ERI3: variants seen among roughly 807,000 people sequenced by gnomAD.
The protein encoded by ERI3 is ERI1 exoribonuclease family member 3.
ERI3 carries 18 observed loss-of-function variants against 44.4 expected under a neutral mutation model. The ratio of observed to expected loss-of-function variants is 0.41; its 90% CI spans 0.28 to 0.60. The LOEUF (loss-of-function observed/expected upper bound fraction) is 0.60. ERI3 is among the 20% of genes least tolerant of loss of function. The pLI is 0.36. For synonymous variants in ERI3, 183 were observed against 164.8 expected (o/e 1.11, Z -0.84); for missense variants, 294 against 435.5 (o/e 0.68, Z 2.89).
chr1:44,285,704 T>C (rs540070535), intron 6 of ERI3, among the ~76,000 whole-genome samples: 35 of 152,266 alleles, frequency 2.3e-4, no homozygotes, highest in Non-Finnish European at 4.1e-4. Context: ...AAAAGTAAGA[T>C]GTAACTCTTG....
chr1:44,248,931 G>A lies in ERI3; in HGVS notation c.832-893C>T, dbSNP rs183219660. On this transcript the variant is annotated intron_variant, in intron 7 of 8. Coordinates refer to ENST00000372257, the MANE Select transcript of ERI3 (RefSeq NM_024066.3). ...TGGCTGCCAGCAACCTCCACCTGGG[G>A]GGGGGACACACGGCAGCTCAGGGGC... Among the ~76,000 whole-genome samples the A allele has an allele frequency of 5.1e-4, 77 of 152,134 alleles. 1 individual carries two copies. Among genetic ancestry groups the A allele is most frequent in the African/African-American group, 1.8e-3 (73 of 41,422 alleles).
At chr1:44,351,639 C>G (rs1646892358) in intron 2 of ERI3, among the ~76,000 whole-genome samples, 1 of 152,126 alleles carries the variant, frequency 6.6e-6, no homozygotes, top group African/African-American at 2.4e-5. Context: ...GAGCACTAAT[C>G]TAATCTTTTT....
At chr1:44,325,705 A>C (rs1646299102) in intron 3 of ERI3, among the ~76,000 whole-genome samples, 1 of 152,086 alleles carries the variant, frequency 6.6e-6, no homozygotes, top group Non-Finnish European at 1.5e-5. Context: ...TCTGTCACCC[A>C]GGCTGGAGTA....
intron 3 of ERI3, among the ~76,000 whole-genome samples, chr1:44,328,197 G>T (rs1298302563): frequency 6.6e-6 from 1 of 151,934 alleles, no homozygotes; most frequent in Non-Finnish European, 1.5e-5. Context: ...TGACTAGTAA[G>T]CAAGCAATAC....
intron 6 of ERI3, among the ~76,000 whole-genome samples, chr1:44,306,758 A>C (rs1645844149): frequency 6.6e-6 from 1 of 152,236 alleles, no homozygotes; most frequent in Admixed American, 6.5e-5. Context: ...GACGCCAAAG[A>C]GAGAACAACA....
chr1:44,257,827 C>T (rs1460655960), intron 7 of ERI3, among the ~76,000 whole-genome samples: 1 of 152,192 alleles, frequency 6.6e-6, no homozygotes, highest in Admixed American at 6.5e-5. Context: ...AACCCAACTC[C>T]CTGGGGCCAT....
chr1:44,239,461 T>C (rs1644385051), intron 8 of ERI3, among the ~76,000 whole-genome samples: 1 of 152,206 alleles, frequency 6.6e-6, no homozygotes, highest in Non-Finnish European at 1.5e-5. Context: ...ACTAAGCGGC[T>C]GCAGGAGGTG....
At chr1:44,351,572 G>A (rs1428070878) in intron 2 of ERI3, among the ~76,000 whole-genome samples, 1 of 152,172 alleles carries the variant, frequency 6.6e-6, no homozygotes, top group Non-Finnish European at 1.5e-5. Flanking sequence ...GAGAAGTTGT[G>A]ACAGAGACCC....
chr1:44,312,733 C>G lies in ERI3; in HGVS notation c.666+436G>C, dbSNP rs1249510967. Among the ~76,000 whole-genome samples, 3 of 152,232 alleles carry G rather than the reference C, an allele frequency of 2.0e-5. No homozygotes were observed. In the East Asian group the frequency reaches 5.8e-4, roughly 29 times the overall value. On this transcript the variant is annotated intron_variant, in intron 5 of 8. Coordinates refer to ENST00000372257, the MANE Select transcript of ERI3 (RefSeq NM_024066.3). The stretch of plus-strand genomic sequence containing the variant: ...GGAGCTCTCAGCAAACAAAAGCCAT[C>G]GATGCGGAGTTCTGGGTGAGTTAAT...
chr1:44,248,397 G>A (rs868526131), intron 7 of ERI3, among the ~76,000 whole-genome samples: 3 of 151,998 alleles, frequency 2.0e-5, no homozygotes, highest in African/African-American at 4.8e-5. Context: ...TCCCCTTTCC[G>A]GAGCCCCCAG....
At chr1:44,344,117 T>C (rs1214208401) in intron 2 of ERI3, among the ~76,000 whole-genome samples, 2 of 151,714 alleles carry the variant, frequency 1.3e-5, no homozygotes, top group South Asian at 2.1e-4. Context: ...CACACCCCTG[T>C]AATCCAGTGA....
At chr1:44,341,352 T>A (rs948917919) in intron 2 of ERI3, among the ~76,000 whole-genome samples, 8 of 152,214 alleles carry the variant, frequency 5.3e-5, no homozygotes, top group Non-Finnish European at 7.3e-5. Context: ...ATATATATTA[T>A]CCTAATGTTA....
At chr1:44,265,515 C>T (rs1037293012) in intron 7 of ERI3, among the ~76,000 whole-genome samples, 4 of 152,128 alleles carry the variant, frequency 2.6e-5, no homozygotes, top group Admixed American at 6.5e-5. Flanking sequence ...CCTATTCTCA[C>T]GGAGCTCACA....
chr1:44,346,405 T>C (rs1048991684), intron 2 of ERI3, among the ~76,000 whole-genome samples: 2 of 152,268 alleles, frequency 1.3e-5, no homozygotes, highest in Non-Finnish European at 2.9e-5. Context: ...ATTTGCCTGC[T>C]GTTTGCTAAC....
At chr1:44,226,826 T>C (rs1644056072) in intron 8 of ERI3, among the ~76,000 whole-genome samples, 1 of 134,636 alleles carries the variant, frequency 7.4e-6, no homozygotes. Flanking sequence ...AACTATCCTA[T>C]GTTTTCTTCT....
At chr1:44,331,149 C>T (rs1262126941) in intron 3 of ERI3, among the ~76,000 whole-genome samples, 1 of 152,168 alleles carries the variant, frequency 6.6e-6, no homozygotes, top group African/African-American at 2.4e-5. Context: ...TCCCACCAAT[C>T]TCCACATTAC....
At chr1:44,295,780 C>G (rs1645597551) in intron 6 of ERI3, among the ~76,000 whole-genome samples, 1 of 152,198 alleles carries the variant, frequency 6.6e-6, no homozygotes, top group African/African-American at 2.4e-5. Flanking sequence ...GGGAAAAATG[C>G]AACAAATTTC....
intron 6 of ERI3, among the ~76,000 whole-genome samples, chr1:44,306,686 T>C (rs1645840978): frequency 6.6e-6 from 1 of 152,228 alleles, no homozygotes; most frequent in African/African-American, 2.4e-5. Context: ...TATACACATA[T>C]ATGTACGCAT....
intron 3 of ERI3, chr1:44,322,622 C>T (rs866756526): frequency 1.5e-6 from 2 of 1,370,142 alleles, no homozygotes; most frequent in African/African-American, 2.9e-5. Flanking sequence ...AGCCTACACA[C>T]TGGCATATTC....
Sources: gnomAD v4.1 joint callset for allele counts (sites outside exome capture counted in the v4.1 genomes callset) on GRCh38, gnomAD v4.1.1 for gene constraint, MANE v1.5 for transcripts, NCBI Gene and HGNC (gene_info 2026-07-23, HGNC 2026-07-21) for gene names.